VENTX: variants seen among roughly 807,000 people sequenced by gnomAD.
VENTX encodes the protein VENT homeobox, also known as homeobox protein VENTX.
A neutral mutation model predicts 10.5 loss-of-function variants in VENTX; 13 were observed. That is an observed-to-expected ratio of 1.23 (90% CI 0.80 to 1.96). The LOEUF is 1.96. VENTX is among the 30% of genes most tolerant of loss of function. The pLI is 0.00. For missense variants in VENTX, 400 were observed against 341.8 expected (o/e 1.17, Z -1.34); for synonymous variants, 177 against 150.4 (o/e 1.18, Z -1.29).
chr10:133,238,264 G>T, intron 1 of VENTX, 109 bp downstream of exon 1: 1 of 1,368,546 alleles, frequency 7.3e-7, no homozygotes, highest in East Asian at 2.6e-5. Flanking sequence ...CACTAGGTCA[G>T]GGCCGGGGGC....
Position 133,240,270 on chromosome 10 carries a change from C to T in VENTX, c.741C>T (p.Gly247=). 39 of 1,602,296 alleles carry T rather than the reference C, an allele frequency of 2.4e-5. No homozygotes were observed. The highest frequency in any genetic ancestry group is 3.2e-5 in the Non-Finnish European group (38 of 1,173,606). The change falls in exon 3 of 3, where the codon GGC becomes GGT. Residue 247 remains glycine, a synonymous_variant. Coordinates refer to ENST00000325980, the MANE Select transcript of VENTX (RefSeq NM_014468.4). ...LGPALSTGPR[G]LCAMPQTGDA... ...CAGCCCTGTCCACGGGGCCCCGGGG[C>T]CTGTGTGCTATGCCACAGACGGGGG... is the stretch of plus-strand genomic sequence containing the variant.
rs552468230 is a variant in VENTX, at chr10:133,240,371, T to C, written c.*65T>C. 14,313 of 1,503,020 alleles carry C rather than the reference T, an allele frequency of 9.5e-3. 93 individuals carry two copies. The highest frequency in any genetic ancestry group is 0.012 in the Non-Finnish European group (13,186 of 1,129,032). 93.1% of individuals were successfully genotyped at this position (1,503,020 alleles called of 1,614,324 possible). A position where few individuals can be genotyped will look rare whatever the true frequency, so the allele number is the denominator to read the frequency against. ...CGCACCTGGCTCCTACCTGGAGGAC[T>C]CAGTTGTTCTGTTTACATCCTGGTG... is the stretch of plus-strand genomic sequence containing the variant. On this transcript the variant is annotated 3_prime_UTR_variant, in exon 3 of 3. Coordinates refer to ENST00000325980, the MANE Select transcript of VENTX (RefSeq NM_014468.4).
In VENTX at chr10:133,240,432, G is replaced by A. The variant is rs1845917949; in HGVS notation, c.*126G>A. The A allele has an allele frequency of 7.1e-6, 7 of 982,022 alleles. No homozygotes were observed. Among genetic ancestry groups the A allele is most frequent in the Non-Finnish European group, 9.7e-6 (7 of 720,786 alleles). The allele number at this position is 982,022 out of a possible 1,614,324, so 60.8% of individuals were successfully genotyped here. On this transcript the variant is annotated 3_prime_UTR_variant, in exon 3 of 3. Transcript: ENST00000325980. ...CCCTGACCCACACAAAGGTTCTGGA[G>A]ATTACTGGAGAATATATATAAATAT...
intron 1 of VENTX, among the ~76,000 whole-genome samples, chr10:133,238,555 A>G (rs1279738971): frequency 6.9e-6 from 1 of 144,890 alleles, no homozygotes; most frequent in African/African-American, 2.6e-5. Flanking sequence ...CCCCCAGCAC[A>G]GCCGGTGCCT....
Position 133,237,979 on chromosome 10 carries a change from G to A in VENTX, c.65G>A (p.Trp22Ter). ...CTCTCCAGCTTTGGCTCCGTGGACT[G>A]GCTCTCCCAGAGCAGCTGCTCAGGG... ...QQLSSFGSVD[W>*]LSQSSCSGPT... is the part of the protein sequence containing the mutation. The change falls in exon 1 of 3, where the codon TGG (tryptophan) becomes TAG (stop). Residue 22 changes from tryptophan to a stop codon, truncating the protein, a stop_gained. Coordinates refer to ENST00000325980, the MANE Select transcript of VENTX (RefSeq NM_014468.4). LOFTEE classifies it high-confidence loss of function. The A allele has an allele frequency of 6.2e-7, 1 of 1,600,762 alleles. No individual in the cohort carries two copies. The highest frequency in any genetic ancestry group is 1.3e-5 in the African/African-American group (1 of 74,850).
rs778757686 is a variant in VENTX, at chr10:133,238,138, C to A, written c.224C>A (p.Pro75Gln). ...EAAGSSNLPA[P>Q]ERTMAGLSKE... ...GCCGGGTCCTCAAATCTGCCTGCGC[C>A]GGAGAGGACCATGGCCGGTAGGTCC... The change falls in exon 1 of 3, where the codon CCG (proline) becomes CAG (glutamine). Residue 75 changes from proline (P) to glutamine (Q), a missense_variant. Pro to Gln is a moderately conservative substitution (Grantham distance 76, BLOSUM62 -1). Transcript: ENST00000325980. The A allele has an allele frequency of 1.2e-6, 2 of 1,601,794 alleles. No homozygotes were observed. Among genetic ancestry groups the A allele is most frequent in the Non-Finnish European group, 1.7e-6 (2 of 1,174,668 alleles).
intron 1 of VENTX, among the ~76,000 whole-genome samples, chr10:133,239,087 G>A (rs761735415): frequency 7.9e-5 from 12 of 152,204 alleles, no homozygotes; most frequent in South Asian, 2.1e-4. Flanking sequence ...AAACTCCAGC[G>A]AGCATTTTGG....
rs114607007 is a variant in VENTX at position 133,239,273 on chromosome 10, G to C, written c.242-403G>C. Among the ~76,000 whole-genome samples, 766 of 151,650 alleles carry C rather than the reference G, an allele frequency of 5.1e-3. 5 individuals are homozygous for C. Among genetic ancestry groups the C allele is most frequent in the African/African-American group, 0.018 (726 of 40,912 alleles). On this transcript the variant is annotated intron_variant, in intron 1 of 2. Transcript: ENST00000325980. The stretch of plus-strand genomic sequence containing the variant: ...CTGGGGATTAACTGAGTTGGCCTCC[G>C]CTGGCTGAGGAGACGGAGCCCGGGA...
At position 133,240,214 on chromosome 10, in the gene VENTX, C is replaced by T. The variant is rs1235145102; in HGVS notation, c.685C>T (p.Pro229Ser). 6.2e-7 allele frequency: 1 copy of T among 1,611,048 alleles called. No individual in the cohort carries two copies. Among genetic ancestry groups the T allele is most frequent in the South Asian group, 1.1e-5 (1 of 90,956 alleles). ...CTGCGGGCAGCCTCTGGCGTCCCACCCCCCTACCCCAGGCCGGCCTTCGCT... is the reference window on the plus strand; with the variant it reads ...CTGCGGGCAGCCTCTGGCGTCCCACTCCCCTACCCCAGGCCGGCCTTCGCT... Reference protein sequence around the residue: ...SCCGQPLASHPPTPGRPSLGP... With the variant: ...SCCGQPLASHSPTPGRPSLGP... Residue 229 changes from proline (P) to serine (S), a missense_variant, in exon 3 of 3, where the codon CCC (proline) becomes TCC (serine). Coordinates refer to ENST00000325980, the MANE Select transcript of VENTX (RefSeq NM_014468.4).
Position 133,237,872 on chromosome 10 carries a change from T to A in VENTX, c.-43T>A. On this transcript the variant is annotated 5_prime_UTR_variant, in exon 1 of 3. Transcript: ENST00000325980. ...CGAGGCCCGAGGTGGATCCTGCGCC[T>A]GGCCAGCCCCGCCTGGCCTTCCCTC... is the stretch of plus-strand genomic sequence containing the variant. 1 of 1,520,320 alleles carries A rather than the reference T, an allele frequency of 6.6e-7. No individual in the cohort carries two copies. The highest frequency in any genetic ancestry group is 8.8e-7 in the Non-Finnish European group (1 of 1,140,128). 94.2% of individuals were successfully genotyped at this position (1,520,320 alleles called of 1,614,324 possible). A position where few individuals can be genotyped will look rare whatever the true frequency, so the allele number is the denominator to read the frequency against.
intron 1 of VENTX, 148 bp from the exon 2 acceptor site, chr10:133,239,528 A>G (rs1845898876): frequency 4.4e-6 from 4 of 906,284 alleles, no homozygotes; most frequent in Non-Finnish European, 6.6e-6. Context: ...GTGACCTGGG[A>G]GGCGGCGGGG....
rs936837859 is a variant in VENTX, at chr10:133,241,784, G to A, written c.*1478G>A. The A allele has an allele frequency of 7.9e-5, 12 of 152,314 alleles. No individual in the cohort carries two copies. The highest frequency in any genetic ancestry group is 3.8e-4 in the East Asian group (2 of 5,202). 9.4% of individuals were successfully genotyped at this position (152,314 alleles called of 1,614,324 possible). On this transcript the variant is annotated 3_prime_UTR_variant, in exon 3 of 3. Transcript: ENST00000325980. ...GGGAACAGCTGCTGTACATCGTCCT[G>A]GCGAGTGACAATGTGACAGAAGCCT...
Position 133,238,159 on chromosome 10 carries a change from G to A in VENTX, c.241+4G>A, listed in dbSNP as rs768965911. ...GCGCCGGAGAGGACCATGGCCGGTA[G>A]GTCCGGGTGGGGGGGGTCCCTTCCT... On this transcript the variant is annotated splice_donor_region_variant and intron_variant, in intron 1 of 2. Transcript: ENST00000325980. 12 of 1,584,400 alleles carry A rather than the reference G, an allele frequency of 7.6e-6. No individual in the cohort carries two copies. The highest frequency in any genetic ancestry group is 1.7e-5 in the Admixed American group (1 of 58,224).
chr10:133,238,963 T>C (rs1186240133), intron 1 of VENTX, among the ~76,000 whole-genome samples: 1 of 152,176 alleles, frequency 6.6e-6, no homozygotes, highest in African/African-American at 2.4e-5. Flanking sequence ...GCAACCCCCT[T>C]TCTGATGCCA....
Position 133,239,806 on chromosome 10 carries a change from G to T in VENTX, c.372G>T (p.Leu124=). 6.2e-7 allele frequency: 1 copy of T among 1,611,646 alleles called. No individual in the cohort carries two copies. The highest frequency in any genetic ancestry group is 8.5e-7 in the Non-Finnish European group (1 of 1,179,946). Residue 124 remains leucine (L), a synonymous_variant, in exon 2 of 3, where the codon CTG becomes CTT. Transcript: ENST00000325980. ...QYLSPLERKR[L]AREMQLSEVQ... ...TGAGCCCTCTGGAGCGGAAGAGGCT[G>T]GCCAGGGAGATGCAGCTCTCAGAGG... is the stretch of plus-strand genomic sequence containing the variant.
intron 1 of VENTX, 65 bp downstream of exon 1, chr10:133,238,220 A>C: frequency 6.7e-7 from 1 of 1,491,094 alleles, no homozygotes; most frequent in South Asian, 1.4e-5. Context: ...AGAGGCCAGG[A>C]GCCCGGCGGC....
At chr10:133,239,618 C>A in intron 1 of VENTX, 58 bp from the exon 2 acceptor site, 3 of 1,592,542 alleles carry the variant, frequency 1.9e-6, no homozygotes, top group Non-Finnish European at 1.7e-6. Flanking sequence ...TACCCGTGGG[C>A]ACGAGCTTGC....
chr10:133,240,185 C>T lies in VENTX; in HGVS notation c.656C>T (p.Ser219Phe), dbSNP rs771301636. The change falls in exon 3 of 3, where the codon TCC becomes TTC. Residue 219 changes from serine to phenylalanine, a missense_variant. Ser to Phe is a radical substitution (Grantham distance 155). Transcript: ENST00000325980. ...GAGGCCCTGGCATCTGCGGGAGCTTCCTGCTGCGGGCAGCCTCTGGCGTCC... is the reference window on the plus strand; with the variant it reads ...GAGGCCCTGGCATCTGCGGGAGCTTTCTGCTGCGGGCAGCCTCTGGCGTCC... ...AQEALASAGA[S>F]CCGQPLASHP... 8 of 1,609,824 alleles carry T rather than the reference C, an allele frequency of 5.0e-6. No homozygotes were observed. Among genetic ancestry groups the T allele is most frequent in the Admixed American group, 3.3e-5 (2 of 59,944 alleles).
Position 133,239,925 on chromosome 10 carries a change from C to T in VENTX, c.403-7C>T. On this transcript the variant is annotated splice_region_variant and splice_polypyrimidine_tract_variant and intron_variant, in intron 2 of 2. Coordinates refer to ENST00000325980, the MANE Select transcript of VENTX (RefSeq NM_014468.4). ...TCACCCCTGTTCTGATCTTGCTTTT[C>T]CTACAGATAAAAACCTGGTTTCAGA... 1 of 1,610,956 alleles carries T rather than the reference C, an allele frequency of 6.2e-7. No homozygotes were observed. Among genetic ancestry groups the T allele is most frequent in the African/African-American group, 1.3e-5 (1 of 74,860 alleles).
Sources: gnomAD v4.1 joint callset for allele counts (sites outside exome capture counted in the v4.1 genomes callset) on GRCh38, gnomAD v4.1.1 for gene constraint, MANE v1.5 for transcripts, NCBI Gene and HGNC (gene_info 2026-07-23, HGNC 2026-07-21) for gene names.